Variants in HOXB3 observed in about 807,000 individuals in gnomAD.
The protein encoded by HOXB3 is homeobox protein Hox-B3.
In HOXB3, 17 loss-of-function variants were observed where a neutral mutation model predicts 29.2. That is an observed-to-expected ratio of 0.58 (90% CI 0.40 to 0.87). HOXB3 has a LOEUF of 0.87. HOXB3 is among the 40% of genes least tolerant of loss of function. The pLI is 0.00. For missense variants in HOXB3, 637 were observed against 616.3 expected, an observed-to-expected ratio of 1.03 and a Z score of -0.35; for synonymous variants, 317 against 285.9, an observed-to-expected ratio of 1.11 and a Z score of -1.10.
At chr17:48,569,640 AG>A (rs978094026) in intron 2 of HOXB3, among the ~76,000 whole-genome samples, 1 of 152,070 alleles carries the variant, frequency 6.6e-6, no homozygotes, top group Admixed American at 6.6e-5. Context: ...TATTTACTTG[AG>A]TGAGACCCAC....
At position 48,552,357 on chromosome 17, in the gene HOXB3, C is replaced by G. The variant is rs1421428453; in HGVS notation, c.118G>C (p.Ala40Pro). ...TGGTAGTCGCCCTCCAGGTGCGTGG[C>G]GGCCTGAAATGGGGGTTGGGGGGGG... ...DVPPQPPFQAATHLEGDYQRS... is the reference protein window; with the variant it reads ...DVPPQPPFQAPTHLEGDYQRS... Residue 40 changes from alanine (A) to proline (P), a missense_variant, in exon 4 of 5, where the codon GCC becomes CCC. Physicochemically the swap from Ala to Pro is conservative, Grantham distance 27 (BLOSUM62 -1). Transcript: ENST00000498678. The G allele has an allele frequency of 1.2e-6, 2 of 1,613,784 alleles. No homozygotes were observed. Among genetic ancestry groups the G allele is most frequent in the African/African-American group, 2.7e-5 (2 of 75,008 alleles).
chr17:48,571,398 C>T (rs1387470502), intron 2 of HOXB3, among the ~76,000 whole-genome samples: 2 of 152,148 alleles, frequency 1.3e-5, no homozygotes, highest in Non-Finnish European at 2.9e-5. Context: ...CTGCCCAGGA[C>T]AGGCGGGTGG....
At chr17:48,558,679 T>C (rs902298452) in intron 2 of HOXB3, among the ~76,000 whole-genome samples, 1 of 151,916 alleles carries the variant, frequency 6.6e-6, no homozygotes, top group Non-Finnish European at 1.5e-5. Flanking sequence ...AGCCAGGGGA[T>C]TTTCAAACTT....
rs536508065 is a variant in HOXB3, at chr17:48,550,001, C to T, written c.*333G>A. ...CATCTTGTCTGGTTTTTAAAATGTG[C>T]TTTTCTGCCTCGTCCTGTCTCGTCT... On this transcript the variant is annotated 3_prime_UTR_variant, in exon 5 of 5. Coordinates refer to ENST00000498678, the MANE Select transcript of HOXB3 (RefSeq NM_001384749.1). 2 of 241,832 alleles carry T rather than the reference C, an allele frequency of 8.3e-6. No individual in the cohort carries two copies. Among genetic ancestry groups the T allele is most frequent in the East Asian group, 1.9e-4 (2 of 10,272 alleles). The allele number at this position is 241,832 out of a possible 1,614,324, so 15.0% of individuals were successfully genotyped here.
chr17:48,586,386 A>C (rs1352138509), intron 1 of HOXB3, among the ~76,000 whole-genome samples: 2 of 152,106 alleles, frequency 1.3e-5, no homozygotes, highest in Non-Finnish European at 2.9e-5. Flanking sequence ...CAAAAGAAAG[A>C]ACGAAAGATC....
chr17:48,550,673 C>T lies in HOXB3; in HGVS notation c.957G>A (p.Gln319=). The T allele has an allele frequency of 6.5e-7, 1 of 1,530,172 alleles. No individual in the cohort carries two copies. The highest frequency in any genetic ancestry group is 8.8e-7 in the Non-Finnish European group (1 of 1,140,462). 94.8% of individuals were successfully genotyped at this position (1,530,172 alleles called of 1,614,324 possible). Residue 319 remains glutamine, a synonymous_variant, in exon 5 of 5, where the codon CAG becomes CAA. Coordinates refer to ENST00000498678, the MANE Select transcript of HOXB3 (RefSeq NM_001384749.1). ...CGGGCGCCGGGGTCGGAGGGTACTT[C>T]TGCGGGGCGCCGCAGCCTTTGAGAG... ...QPPLKGCGAP[Q]KYPPTPAPEY...
chr17:48,555,471 A>G, intron 3 of HOXB3, 60 bp downstream of exon 3: 1 of 702,286 alleles, frequency 1.4e-6, no homozygotes, highest in South Asian at 1.5e-5. Flanking sequence ...ATGGGCCATA[A>G]ATCATTGAGA....
chr17:48,563,713 C>T (rs917236141), intron 2 of HOXB3, among the ~76,000 whole-genome samples: 5 of 152,208 alleles, frequency 3.3e-5, no homozygotes, highest in Non-Finnish European at 7.3e-5. Context: ...TAAATCACCC[C>T]CTTTCCTACC....
Position 48,552,495 on chromosome 17 carries a change from G to A in HOXB3, c.-21C>T, listed in dbSNP as rs1282872526. The stretch of plus-strand genomic sequence containing the variant: ...TGCATCGCTGGGTGAGGCCTGGGCA[G>A]TGGGTGGCAACTTGGAAAGGCCTGA... On this transcript the variant is annotated 5_prime_UTR_variant, in exon 4 of 5. Coordinates refer to ENST00000498678, the MANE Select transcript of HOXB3 (RefSeq NM_001384749.1). 6.5e-7 allele frequency: 1 copy of A among 1,539,614 alleles called. No homozygotes were observed. The highest frequency in any genetic ancestry group is 1.9e-5 in the Admixed American group (1 of 52,070).
intron 2 of HOXB3, among the ~76,000 whole-genome samples, chr17:48,562,819 T>C (rs1311314780): frequency 6.6e-6 from 1 of 152,124 alleles, no homozygotes; most frequent in Admixed American, 6.5e-5. Flanking sequence ...CAAAGCTGGG[T>C]GTCTGGACAG....
At chr17:48,570,427 C>T (rs893889603) in intron 2 of HOXB3, among the ~76,000 whole-genome samples, 2 of 152,212 alleles carry the variant, frequency 1.3e-5, no homozygotes, top group African/African-American at 4.8e-5. Flanking sequence ...GAAGAAGTCG[C>T]AGCCTTATCT....
intron 2 of HOXB3, 114 bp from the exon 3 acceptor site, chr17:48,555,732 A>G (rs1012462878): frequency 1.1e-5 from 7 of 641,620 alleles, no homozygotes; most frequent in Admixed American, 6.8e-5. Context: ...GACCGGCCAG[A>G]GGAGCCGCGC....
Position 48,550,236 on chromosome 17 carries a change from C to T in HOXB3, c.*98G>A. On this transcript the variant is annotated 3_prime_UTR_variant, in exon 5 of 5. Coordinates refer to ENST00000498678, the MANE Select transcript of HOXB3 (RefSeq NM_001384749.1). ...TCTGACCAGGAAGCCTGGGTACCACCTTCTCTGGCTCCTCTTTTCAGACCT... is the reference window on the plus strand; with the variant it reads ...TCTGACCAGGAAGCCTGGGTACCACTTTCTCTGGCTCCTCTTTTCAGACCT... 2.0e-6 allele frequency: 3 copies of T among 1,525,122 alleles called. No homozygotes were observed. The highest frequency in any genetic ancestry group is 2.7e-6 in the Non-Finnish European group (3 of 1,126,248). 94.5% of individuals were successfully genotyped at this position (1,525,122 alleles called of 1,614,324 possible).
rs908180130 is a variant in HOXB3, at chr17:48,557,104, C to T, written c.-246-1486G>A. Among the ~76,000 whole-genome samples the T allele has an allele frequency of 5.3e-5, 8 of 152,016 alleles. No homozygotes were observed. In the South Asian group the frequency reaches 1.0e-3, roughly 20 times the overall value. On this transcript the variant is annotated intron_variant, in intron 2 of 4. Coordinates refer to ENST00000498678, the MANE Select transcript of HOXB3 (RefSeq NM_001384749.1). Reference sequence around the variant, plus strand: ...GACAGGGGGTGGGGAATAGTCATTCCGGGAGGAAGGAAAAGACAAAAAGAG... The same window carrying T: ...GACAGGGGGTGGGGAATAGTCATTCTGGGAGGAAGGAAAAGACAAAAAGAG...
chr17:48,559,564 C>T (rs1180016710), intron 2 of HOXB3: 4 of 152,214 alleles, frequency 2.6e-5, no homozygotes, highest in South Asian at 2.1e-4. Context: ...CACACTCACC[C>T]GAATCTCCAT....
intron 2 of HOXB3, among the ~76,000 whole-genome samples, chr17:48,563,255 C>T (rs537629481): frequency 6.6e-6 from 1 of 152,210 alleles, no homozygotes; most frequent in African/African-American, 2.4e-5. Context: ...CATGTGGCTG[C>T]GGGAAGAAAA....
intron 2 of HOXB3, among the ~76,000 whole-genome samples, chr17:48,561,962 T>A (rs2069211851): frequency 6.6e-6 from 1 of 152,074 alleles, no homozygotes; most frequent in Admixed American, 6.5e-5. Flanking sequence ...ATAAACTGAG[T>A]TCAGACAATA....
In HOXB3 at chr17:48,552,198, T is replaced by A. The variant is rs1567945732; in HGVS notation, c.277A>T (p.Ser93Cys). Residue 93 changes from serine to cysteine, a missense_variant, in exon 4 of 5, where the codon AGT (serine) becomes TGT (cysteine). Ser to Cys is a moderately radical substitution (Grantham distance 112). Transcript: ENST00000498678. Reference protein sequence around the residue: ...LSAPPGSPPPSAAPTSATSNS... With the variant: ...LSAPPGSPPPCAAPTSATSNS... Reference sequence around the variant, plus strand: ...CTAGTGGCACTGGTAGGTGCGGCACTGGGCGGGGGTGAGCCAGGCGGGGCC... The same window carrying A: ...CTAGTGGCACTGGTAGGTGCGGCACAGGGCGGGGGTGAGCCAGGCGGGGCC... The A allele has an allele frequency of 6.2e-7, 1 of 1,613,172 alleles. No individual in the cohort carries two copies. Among genetic ancestry groups the A allele is most frequent in the East Asian group, 2.2e-5 (1 of 44,840 alleles).
In HOXB3 at chr17:48,552,601, C is replaced by A. The variant is rs369114295; in HGVS notation, c.-127G>T. ...CCCCCCCCACCTCCCCTCTCTGCCCCCCTCCTCCGGGGTCTGTTCCAAGCG... is the reference window on the plus strand; with the variant it reads ...CCCCCCCCACCTCCCCTCTCTGCCCACCTCCTCCGGGGTCTGTTCCAAGCG... On this transcript the variant is annotated 5_prime_UTR_variant, in exon 4 of 5. Coordinates refer to ENST00000498678, the MANE Select transcript of HOXB3 (RefSeq NM_001384749.1). 5.7e-6 allele frequency: 4 copies of A among 702,508 alleles called. No homozygotes were observed. In the Admixed American group the frequency reaches 1.2e-4, roughly 22 times the overall value. 43.5% of individuals were successfully genotyped at this position (702,508 alleles called of 1,614,324 possible). A position where few individuals can be genotyped will look rare whatever the true frequency, so the allele number is the denominator to read the frequency against.
Sources: gnomAD v4.1 joint callset for allele counts (sites outside exome capture counted in the v4.1 genomes callset) on GRCh38, gnomAD v4.1.1 for gene constraint, MANE v1.5 for transcripts, NCBI Gene and HGNC (gene_info 2026-07-23, HGNC 2026-07-21) for gene names.